Variants in USP3 observed in about 807,000 individuals in gnomAD.
USP3 encodes the protein ubiquitin carboxyl-terminal hydrolase 3.
USP3 carries 20 observed loss-of-function variants against 72.3 expected under a neutral mutation model. That is an observed-to-expected ratio of 0.28 (90% confidence interval 0.19 to 0.40). USP3 has a LOEUF of 0.40. USP3 is among the 10% of genes least tolerant of loss of function. The probability of loss-of-function intolerance (pLI) is 1.00; values close to 1 mark genes in which losing one functional copy is unlikely to be tolerated. For missense variants in USP3, 479 were observed against 633.9 expected (o/e 0.76, Z 2.62); for synonymous variants, 222 against 225.3 (o/e 0.99, Z 0.13).
intron 1 of USP3, among the ~76,000 whole-genome samples, chr15:63,513,269 A>G (rs372097480): frequency 7.9e-5 from 12 of 152,336 alleles, no homozygotes; most frequent in East Asian, 5.8e-4. Context: ...CTGGAAATTA[A>G]CTGTCATATT....
intron 3 of USP3, among the ~76,000 whole-genome samples, chr15:63,549,314 CCAAA>C (rs1342003537): frequency 1.3e-5 from 2 of 152,122 alleles, no homozygotes; most frequent in African/African-American, 2.4e-5. Flanking sequence ...AAATGGAGTA[CCAAA>C]CAGTTTTTCT....
intron 3 of USP3, 151 bp downstream of exon 3, chr15:63,537,307 G>A (rs2066172662): frequency 6.5e-6 from 6 of 917,264 alleles, no homozygotes; most frequent in Non-Finnish European, 9.1e-6. Flanking sequence ...CATTGGGAAC[G>A]CCTATCTTTA....
At chr15:63,510,472 C>G (rs906409656) in intron 1 of USP3, among the ~76,000 whole-genome samples, 5 of 152,086 alleles carry the variant, frequency 3.3e-5, no homozygotes, top group African/African-American at 1.2e-4. Flanking sequence ...TGTGTTCAAC[C>G]AAGGCATTGA....
At chr15:63,586,957 C>T (rs550239713) in intron 11 of USP3, among the ~76,000 whole-genome samples, 7 of 152,294 alleles carry the variant, frequency 4.6e-5, no homozygotes, top group Non-Finnish European at 8.8e-5. Context: ...GTCTAGTCCT[C>T]TGCCACACCT....
intron 4 of USP3, 65 bp from the exon 5 acceptor site, chr15:63,556,602 C>A: frequency 7.5e-7 from 1 of 1,327,630 alleles, no homozygotes; most frequent in South Asian, 1.5e-5. Flanking sequence ...GGAGTTTATT[C>A]TTTCACCTGT....
intron 11 of USP3, among the ~76,000 whole-genome samples, chr15:63,575,155 A>G (rs2066841920): frequency 8.5e-6 from 1 of 117,876 alleles, no homozygotes; most frequent in South Asian, 2.8e-4. Context: ...TATTGTCATG[A>G]TGGTTTTTTT....
intron 2 of USP3, among the ~76,000 whole-genome samples, chr15:63,535,508 C>T (rs565215571): frequency 6.6e-6 from 1 of 152,298 alleles, no homozygotes; most frequent in African/African-American, 2.4e-5. Flanking sequence ...TTCATCCAAG[C>T]TCTCATGGCC....
rs1485476778 is a variant in USP3 at position 63,504,603 on chromosome 15, C to T, written c.-137C>T. 7.7e-6 allele frequency: 5 copies of T among 645,550 alleles called. No individual in the cohort carries two copies. Among genetic ancestry groups the T allele is most frequent in the Non-Finnish European group, 1.2e-5 (5 of 411,554 alleles). The allele number at this position is 645,550 out of a possible 1,614,324, so 40.0% of individuals were successfully genotyped here. A position where few individuals can be genotyped will look rare whatever the true frequency, so the allele number is the denominator to read the frequency against. On this transcript the variant is annotated 5_prime_UTR_variant, in exon 1 of 15. In the 5' UTR this introduces an upstream ATG that the reference lacks. Transcript: ENST00000380324. ...GTCCGGAAGCCCGTGCTTTCTTTGA[C>T]GCAAGGGCTCGAGACGCAGCCGCCG... is the stretch of plus-strand genomic sequence containing the variant.
intron 3 of USP3, among the ~76,000 whole-genome samples, chr15:63,545,988 A>AAAC (rs2066319955): frequency 6.8e-6 from 1 of 146,878 alleles, no homozygotes. Flanking sequence ...AAAAAAAAAA[A>AAAC]AAAAAAACAG....
chr15:63,526,040 C>G (rs1483160667), intron 1 of USP3, among the ~76,000 whole-genome samples: 1 of 151,966 alleles, frequency 6.6e-6, no homozygotes, highest in Non-Finnish European at 1.5e-5. Context: ...CTTTATAATA[C>G]CAGTATCTTT....
rs910881972 is a variant in USP3 at position 63,539,122 on chromosome 15, T to C, written c.284+1966T>C. ...TTCCCTCAGGTTTTCTTTTTTTTTT[T>C]CGCCCTTTCCCTCAGGAAACTTATA... On this transcript the variant is annotated intron_variant, in intron 3 of 14. Coordinates refer to ENST00000380324, the MANE Select transcript of USP3 (RefSeq NM_006537.4). 2.6e-5 allele frequency among the ~76,000 whole-genome samples: 4 copies of C among 152,074 alleles called. No individual in the cohort carries two copies. The East Asian group carries it at 7.7e-4, about 29-fold the overall frequency.
At chr15:63,561,468 CGCAGCA>C (rs1210217679) in intron 7 of USP3, among the ~76,000 whole-genome samples, 1 of 152,200 alleles carries the variant, frequency 6.6e-6, no homozygotes, top group Non-Finnish European at 1.5e-5. Flanking sequence ...TGGTGCCCAG[CGCAGCA>C]GCAGAGTTCC....
intron 1 of USP3, among the ~76,000 whole-genome samples, chr15:63,519,044 C>T (rs765205225): frequency 2.6e-4 from 40 of 152,308 alleles, no homozygotes; most frequent in East Asian, 1.5e-3. Context: ...GGATTACAAG[C>T]GTGAGCCACC....
At chr15:63,550,947 A>G (rs1595739574) in intron 3 of USP3, among the ~76,000 whole-genome samples, 1 of 152,170 alleles carries the variant, frequency 6.6e-6, no homozygotes, top group South Asian at 2.1e-4. Flanking sequence ...GCTTGAGGCC[A>G]GGAATTTGAG....
At chr15:63,511,210 A>C (rs1006989171) in intron 1 of USP3, among the ~76,000 whole-genome samples, 1 of 143,114 alleles carries the variant, frequency 7.0e-6, no homozygotes, top group African/African-American at 2.5e-5. Flanking sequence ...GGGAGTATTA[A>C]AGATAGCCCA....
At chr15:63,590,192 G>GAA (rs1234148192) in intron 14 of USP3, among the ~76,000 whole-genome samples, 6 of 152,084 alleles carry the variant, frequency 3.9e-5, no homozygotes, top group African/African-American at 1.2e-4. Context: ...GGTTTTCCTG[G>GAA]CACCTACAAA....
chr15:63,560,065 A>G (rs1228952488), intron 7 of USP3, 95 bp downstream of exon 7: 4 of 966,522 alleles, frequency 4.1e-6, no homozygotes, highest in East Asian at 6.0e-5. Flanking sequence ...TAACAGGCAC[A>G]TGCCTTAAAA....
chr15:63,532,389 A>G (rs1364948299), intron 1 of USP3: 1 of 550,726 alleles, frequency 1.8e-6, no homozygotes, highest in Admixed American at 3.1e-5. Flanking sequence ...AGACAAGTGT[A>G]TATGTGTTTA....
At chr15:63,568,533 G>T (rs934855752) in intron 8 of USP3, among the ~76,000 whole-genome samples, 5 of 152,186 alleles carry the variant, frequency 3.3e-5, no homozygotes, top group African/African-American at 4.8e-5. Context: ...GCACCCAAAT[G>T]TGAGGACTGT....
Sources: gnomAD v4.1 joint callset for allele counts (sites outside exome capture counted in the v4.1 genomes callset) on GRCh38, gnomAD v4.1.1 for gene constraint, MANE v1.5 for transcripts, NCBI Gene and HGNC (gene_info 2026-07-23, HGNC 2026-07-21) for gene names.